The following FKBP9 variants were observed in gnomAD, a reference collection of about 807,000 sequenced individuals.
FKBP9 encodes peptidyl-prolyl cis-trans isomerase FKBP9.
In FKBP9, 27 loss-of-function variants were observed where a neutral mutation model predicts 55.6. The ratio of observed to expected loss-of-function variants is 0.49; its 90% CI spans 0.36 to 0.67. The LOEUF is 0.67. Among genes scored for constraint, FKBP9 ranks in the 30% least tolerant of loss-of-function variants. The probability of loss-of-function intolerance (pLI) is 0.00; values close to 1 mark genes in which losing one functional copy is unlikely to be tolerated. For synonymous variants in FKBP9, 267 were observed against 296.5 expected (o/e 0.90, Z 1.02); for missense variants, 539 against 742.8 (o/e 0.73, Z 3.19).
At chr7:32,981,364 C>T (rs1784472389) in intron 5 of FKBP9, among the ~76,000 whole-genome samples, 2 of 152,202 alleles carry the variant, frequency 1.3e-5, no homozygotes, top group Non-Finnish European at 2.9e-5. Flanking sequence ...ATGCTGGGTG[C>T]CATAGAGGCT....
At chr7:33,002,628 C>T (rs1419112195) in intron 8 of FKBP9, 48 bp from the exon 9 acceptor site, 1 of 1,598,116 alleles carries the variant, frequency 6.3e-7, no homozygotes, top group Non-Finnish European at 8.5e-7. Context: ...TTGGGCTTGA[C>T]TGCTGCCTGC....
chr7:32,987,473 A>G (rs958115718), intron 5 of FKBP9, among the ~76,000 whole-genome samples: 1 of 138,784 alleles, frequency 7.2e-6, no homozygotes, highest in Non-Finnish European at 1.6e-5. Flanking sequence ...CCAGCCTGGG[A>G]GACAGAGCAA....
chr7:32,996,657 CCTTG>C (rs1386153132), intron 7 of FKBP9, among the ~76,000 whole-genome samples: 5 of 140,072 alleles, frequency 3.6e-5, no homozygotes, highest in Admixed American at 7.1e-5. Context: ...TTCCTTCCTT[CCTTG>C]CTCCCTCCCT....
chr7:32,986,571 C>A (rs1784585161), intron 5 of FKBP9, among the ~76,000 whole-genome samples: 2 of 152,224 alleles, frequency 1.3e-5, no homozygotes, highest in African/African-American at 4.8e-5. Context: ...GCGTGGGGTG[C>A]TGTTCTCAGT....
At chr7:32,991,612 A>C (rs1784684911) in intron 6 of FKBP9, among the ~76,000 whole-genome samples, 1 of 151,696 alleles carries the variant, frequency 6.6e-6, no homozygotes, top group Non-Finnish European at 1.5e-5. Flanking sequence ...AGCCTCTATC[A>C]GCATTTCATT....
intron 8 of FKBP9, chr7:33,002,070 A>G (rs549510664): frequency 2.0e-5 from 3 of 152,468 alleles, no homozygotes; most frequent in African/African-American, 7.2e-5. Flanking sequence ...TTAGTTTTAT[A>G]TATAAAATTT....
chr7:32,973,647 C>A (rs1784294146), intron 1 of FKBP9, among the ~76,000 whole-genome samples: 1 of 145,380 alleles, frequency 6.9e-6, no homozygotes, highest in Non-Finnish European at 1.5e-5. Flanking sequence ...CTTTTAGGTA[C>A]CAATCATATA....
intron 6 of FKBP9, among the ~76,000 whole-genome samples, chr7:32,995,731 G>T (rs933943941): frequency 1.3e-5 from 2 of 152,124 alleles, no homozygotes; most frequent in Admixed American, 1.3e-4. Flanking sequence ...AGCAGTGGTA[G>T]GACATTGGAG....
chr7:32,965,875 A>ATC (rs1236780610), intron 1 of FKBP9, among the ~76,000 whole-genome samples: 1 of 90,444 alleles, frequency 1.1e-5, no homozygotes, highest in African/African-American at 5.4e-5. Context: ...ATACATACAT[A>ATC]TATATATATA....
chr7:32,978,984 C>T (rs1215973700), intron 4 of FKBP9, among the ~76,000 whole-genome samples: 2 of 151,956 alleles, frequency 1.3e-5, no homozygotes, highest in Admixed American at 6.6e-5. Flanking sequence ...AATTGAAACC[C>T]CAGGCCGGGC....
At chr7:32,979,648 A>G (rs1462097898) in intron 4 of FKBP9, 10 of 1,160,254 alleles carry the variant, frequency 8.6e-6, no homozygotes, top group East Asian at 5.1e-5. Context: ...ATTTTGAGTT[A>G]TTTATTGGTT....
chr7:32,974,281 C>G (rs1466189691), intron 1 of FKBP9, among the ~76,000 whole-genome samples: 2 of 152,168 alleles, frequency 1.3e-5, no homozygotes, highest in Non-Finnish European at 2.9e-5. Context: ...CTTCCAAAGC[C>G]CTGGCCTGAC....
At chr7:32,963,734 A>T in intron 1 of FKBP9, 1 of 1,304,658 alleles carries the variant, frequency 7.7e-7, no homozygotes, top group Non-Finnish European at 9.8e-7. Context: ...AGGGGTTGCA[A>T]ACGGGGCTTC....
chr7:32,993,446 T>G (rs1419420847), intron 6 of FKBP9, among the ~76,000 whole-genome samples: 2 of 152,212 alleles, frequency 1.3e-5, no homozygotes, highest in East Asian at 1.9e-4. Flanking sequence ...CTCACTTGAG[T>G]GGAATCATAC....
Position 33,005,537 on chromosome 7 carries a change from G to C in FKBP9, c.*186G>C, listed in dbSNP as rs976197374. 3.2e-6 allele frequency: 2 copies of C among 617,532 alleles called. No homozygotes were observed. The highest frequency in any genetic ancestry group is 1.9e-5 in the African/African-American group (1 of 53,968). The allele number at this position is 617,532 out of a possible 1,614,324, so 38.3% of individuals were successfully genotyped here. A position where few individuals can be genotyped will look rare whatever the true frequency, so the allele number is the denominator to read the frequency against. Reference sequence around the variant, plus strand: ...ATGGGGTGAGAAGTTTGGGCTGATCGCCAGTGATAGTAAACAAAATCTGTG... The same window carrying C: ...ATGGGGTGAGAAGTTTGGGCTGATCCCCAGTGATAGTAAACAAAATCTGTG... On this transcript the variant is annotated 3_prime_UTR_variant, in exon 10 of 10. Transcript: ENST00000242209.
At chr7:32,972,274 C>T (rs1171658125) in intron 1 of FKBP9, among the ~76,000 whole-genome samples, 1 of 152,054 alleles carries the variant, frequency 6.6e-6, no homozygotes, top group African/African-American at 2.4e-5. Flanking sequence ...TGTCCTCTGG[C>T]TTGTTGGCCT....
At chr7:33,004,401 C>A (rs1054551619) in intron 9 of FKBP9, among the ~76,000 whole-genome samples, 1 of 152,190 alleles carries the variant, frequency 6.6e-6, no homozygotes, top group Non-Finnish European at 1.5e-5. Flanking sequence ...GCCCACTTTA[C>A]CCGGCCACAC....
chr7:32,975,076 C>T (rs935168878), intron 2 of FKBP9, 106 bp from the exon 3 acceptor site: 25 of 887,314 alleles, frequency 2.8e-5, no homozygotes, highest in Non-Finnish European at 4.1e-5. Context: ...GCGGTGACTG[C>T]TTGAACCCTT....
intron 6 of FKBP9, among the ~76,000 whole-genome samples, chr7:32,990,706 G>T (rs1322768723): frequency 2.0e-5 from 3 of 152,224 alleles, no homozygotes; most frequent in African/African-American, 7.2e-5. Context: ...TTTAATGGCT[G>T]CTCCCTCGCT....
Sources: allele counts gnomAD v4.1 joint callset (sites outside exome capture counted in the v4.1 genomes callset), GRCh38; gene constraint gnomAD v4.1.1; transcripts MANE v1.5; gene names NCBI Gene and HGNC (gene_info 2026-07-23, HGNC 2026-07-21).